Variants in SBF1 observed in about 807,000 individuals in gnomAD.
SBF1 encodes SET binding factor 1, also known as myotubularin-related protein 5.
Under a neutral mutation model 215.8 loss-of-function variants are expected in SBF1, and 65 were observed. The observed-to-expected ratio is 0.30, with a 90% CI of 0.25 to 0.37. The LOEUF (loss-of-function observed/expected upper bound fraction) is 0.37, where lower values mean the gene tolerates loss of function less well. Ranked by LOEUF, SBF1 falls within the 10% of genes least tolerant of loss-of-function variation. SBF1 has a pLI of 1.00. For missense variants in SBF1, 2,634 were observed against 2,667.8 expected (o/e 0.99, Z 0.28); for synonymous variants, 1,410 against 1,122.8 (o/e 1.26, Z -5.11).
chr22:50,471,929 C>T (rs1367160865), intron 1 of SBF1, among the ~76,000 whole-genome samples: 1 of 152,242 alleles, frequency 6.6e-6, no homozygotes, highest in African/African-American at 2.4e-5. Context: ...CCAAGGGGTC[C>T]AGCCCCTCCT....
intron 1 of SBF1, among the ~76,000 whole-genome samples, chr22:50,474,185 G>A (rs6010104): frequency 2.6e-5 from 4 of 152,180 alleles, no homozygotes; most frequent in African/African-American, 7.2e-5. Flanking sequence ...CAGGCGAGTC[G>A]CCAGGAATGC....
At chr22:50,474,707 T>A in intron 1 of SBF1, 79 bp downstream of exon 1, 14 of 851,290 alleles carry the variant, frequency 1.6e-5, no homozygotes, top group Non-Finnish European at 1.9e-5. Flanking sequence ...CCCCCGGCCC[T>A]CGACCCTCAG....
At position 50,461,645 on chromosome 22, in the gene SBF1, G is replaced by C; in HGVS notation, c.2717C>G (p.Pro906Arg). 1 of 1,611,242 alleles carries C rather than the reference G, an allele frequency of 6.2e-7. No homozygotes were observed. Among genetic ancestry groups the C allele is most frequent in the Non-Finnish European group, 8.5e-7 (1 of 1,179,778 alleles). The change falls in exon 22 of 41, where the codon CCG becomes CGG. Residue 906 changes from proline to arginine, a missense_variant. Transcript: ENST00000380817. ...CCCCGCGCCCTCCTCACGCCCATCC[G>C]GCAGCAGGTAGACGCGCAGGCCGTC... ...VLDGLRVYLLPDGREEGAGGS... is the reference protein window; with the variant it reads ...VLDGLRVYLLRDGREEGAGGS...
At chr22:50,474,212 G>A (rs1194399201) in intron 1 of SBF1, among the ~76,000 whole-genome samples, 1 of 152,200 alleles carries the variant, frequency 6.6e-6, no homozygotes, top group African/African-American at 2.4e-5. Flanking sequence ...CTCTACTCTC[G>A]ACGCTTCCTC....
rs746032681 is a variant in SBF1, at chr22:50,446,825, A to C, written c.*317T>G. The C allele has an allele frequency of 2.3e-5, 16 of 691,480 alleles. 1 individual carries two copies. The East Asian group carries it at 4.3e-4, about 18-fold the overall frequency. 42.8% of individuals were successfully genotyped at this position (691,480 alleles called of 1,614,324 possible). A position where few individuals can be genotyped will look rare whatever the true frequency, so the allele number is the denominator to read the frequency against. On this transcript the variant is annotated 3_prime_UTR_variant, in exon 41 of 41. Coordinates refer to ENST00000380817, the MANE Select transcript of SBF1 (RefSeq NM_002972.4). ...GGAGCGTGGCGTTAGTTCTCTCTTTATATAGACTCTGGTTCTAGAAACTCG... is the reference window on the plus strand; with the variant it reads ...GGAGCGTGGCGTTAGTTCTCTCTTTCTATAGACTCTGGTTCTAGAAACTCG...
intron 1 of SBF1, among the ~76,000 whole-genome samples, chr22:50,471,685 C>A (rs747454051): frequency 7.9e-5 from 12 of 152,174 alleles, no homozygotes; most frequent in African/African-American, 2.7e-4. Context: ...GCCATCCCCC[C>A]CAACCTCCCC....
At chr22:50,456,821 TG>T in intron 29 of SBF1, 148 bp from the exon 30 acceptor site, 2 of 775,216 alleles carry the variant, frequency 2.6e-6, no homozygotes, top group South Asian at 4.1e-5. Flanking sequence ...AGAGGAGGGC[TG>T]GAACACACAG....
rs2066829353 is a variant in SBF1, at chr22:50,446,631, G to A, written c.*511C>T. 8.5e-6 allele frequency: 3 copies of A among 354,396 alleles called. No individual in the cohort carries two copies. Among genetic ancestry groups the A allele is most frequent in the African/African-American group, 2.1e-5 (1 of 46,796 alleles). The allele number at this position is 354,396 out of a possible 1,614,324, so 22.0% of individuals were successfully genotyped here. A position where few individuals can be genotyped will look rare whatever the true frequency, so the allele number is the denominator to read the frequency against. ...AAGCCTCCTGCTCGATCCGCCCCCA[G>A]AGCAAAGTCACTCCCAGGGACATGC... On this transcript the variant is annotated 3_prime_UTR_variant, in exon 41 of 41. Transcript: ENST00000380817.
In SBF1 at chr22:50,466,631, C is replaced by T; in HGVS notation, c.629G>A (p.Ser210Asn). 6.4e-7 allele frequency: 1 copy of T among 1,552,588 alleles called. No individual in the cohort carries two copies. The highest frequency in any genetic ancestry group is 1.7e-4 in the Middle Eastern group (1 of 5,988). Residue 210 changes from serine (S) to asparagine (N), a missense_variant, in exon 6 of 41, where the codon AGC becomes AAC. By Grantham distance (46) the Ser-to-Asn change is conservative. Transcript: ENST00000380817. ...LADSLPVSRC[S>N]VALLFRQLGI... ...TAGCTGGCGGAAGAGCAGGGCCACGCTGCAGCGGCTGACGGGCAGCGAGTC... is the reference window on the plus strand; with the variant it reads ...TAGCTGGCGGAAGAGCAGGGCCACGTTGCAGCGGCTGACGGGCAGCGAGTC...
rs1425280900 is a variant in SBF1, at chr22:50,461,176, G to A, written c.2950C>T (p.Arg984Cys). The change falls in exon 23 of 41, where the codon CGC becomes TGC. Residue 984 changes from arginine to cysteine, a missense_variant. Transcript: ENST00000380817. Reference protein sequence around the residue: ...DQLLQDGLQLRSCTFQLLKMA... With the variant: ...DQLLQDGLQLCSCTFQLLKMA... ...CGCCCCACCTGGAATGTGCAGGAGC[G>A]CAGCTGGAGCCCGTCCTGCAGGAGC... The A allele has an allele frequency of 1.3e-5, 21 of 1,607,170 alleles. No individual in the cohort carries two copies. The highest frequency in any genetic ancestry group is 2.2e-5 in the South Asian group (2 of 90,822).
At chr22:50,456,856 C>T (rs2067273435) in intron 29 of SBF1, among the ~76,000 whole-genome samples, 178 bp downstream of exon 29, 1 of 152,100 alleles carries the variant, frequency 6.6e-6, no homozygotes, top group East Asian at 1.9e-4. Context: ...GGGTGGCAGC[C>T]AGTGTTAGTT....
chr22:50,461,450 G>T, intron 22 of SBF1, 73 bp downstream of exon 22: 2 of 1,507,746 alleles, frequency 1.3e-6, no homozygotes, highest in Middle Eastern at 1.8e-4. Context: ...GGGAGAGGGA[G>T]GCAGGGAAAG....
rs764761913 is a variant in SBF1 at position 50,460,602 on chromosome 22, G to A, written c.3078C>T (p.Phe1026=). 5 of 1,614,022 alleles carry A rather than the reference G, an allele frequency of 3.1e-6. No individual in the cohort carries two copies. In the South Asian group the frequency reaches 5.5e-5, roughly 18 times the overall value. ...YPPDIRATFA[F]TLGSAHTPGR... is the part of the protein sequence containing the mutation. Reference sequence around the variant, plus strand: ...CAGGTGTGTGGGCAGAGCCCAAGGTGAACGCAAAGGTGGCCCTGATGTCCG... The same window carrying A: ...CAGGTGTGTGGGCAGAGCCCAAGGTAAACGCAAAGGTGGCCCTGATGTCCG... The change falls in exon 24 of 41, where the codon TTC becomes TTT. Residue 1026 remains phenylalanine, a synonymous_variant. Transcript: ENST00000380817.
At chr22:50,451,574 T>A (rs949509173) in intron 36 of SBF1, among the ~76,000 whole-genome samples, 1 of 152,114 alleles carries the variant, frequency 6.6e-6, no homozygotes, top group Non-Finnish European at 1.5e-5. Flanking sequence ...GCTTGAAATG[T>A]ATTAAATTTG....
intron 1 of SBF1, among the ~76,000 whole-genome samples, chr22:50,469,176 A>T (rs2067904313): frequency 6.6e-6 from 1 of 152,158 alleles, no homozygotes; most frequent in African/African-American, 2.4e-5. Flanking sequence ...CTTCCTGAGC[A>T]CCTGGACCCC....
Position 50,466,644 on chromosome 22 carries a change from C to G in SBF1, c.616G>C (p.Val206Leu). Residue 206 changes from valine (V) to leucine (L), a missense_variant, in exon 6 of 41, where the codon GTC becomes CTC. Physicochemically the swap from Val to Leu is conservative, Grantham distance 32. Coordinates refer to ENST00000380817, the MANE Select transcript of SBF1 (RefSeq NM_002972.4). The part of the protein sequence containing the change: ...IQTPLADSLP[V>L]SRCSVALLFR... ...AGCAGGGCCACGCTGCAGCGGCTGA[C>G]GGGCAGCGAGTCGGCCAGTGGAGTC... 6.4e-7 allele frequency: 1 copy of G among 1,552,126 alleles called. No individual in the cohort carries two copies. The highest frequency in any genetic ancestry group is 8.7e-7 in the Non-Finnish European group (1 of 1,147,718).
chr22:50,462,145 A>G lies in SBF1; in HGVS notation c.2397-26T>C, dbSNP rs376652750. 49 of 1,610,314 alleles carry G rather than the reference A, an allele frequency of 3.0e-5. No individual in the cohort carries two copies. In the East Asian group the frequency reaches 6.7e-4, roughly 22 times the overall value. On this transcript the variant is annotated intron_variant, in intron 19 of 40. Coordinates refer to ENST00000380817, the MANE Select transcript of SBF1 (RefSeq NM_002972.4). ...CTGGGCCAGAGAAGAAACTGTGGGCATGGGCCCTGCCCACCACGGCCCCGC... is the reference window on the plus strand; with the variant it reads ...CTGGGCCAGAGAAGAAACTGTGGGCGTGGGCCCTGCCCACCACGGCCCCGC...
intron 28 of SBF1, among the ~76,000 whole-genome samples, chr22:50,457,639 G>C (rs1387678088): frequency 6.6e-6 from 1 of 152,232 alleles, no homozygotes; most frequent in Non-Finnish European, 1.5e-5. Context: ...CAAAAGGACG[G>C]AGAGCAGCTC....
In SBF1 at chr22:50,462,341, A is replaced by G; in HGVS notation, c.2260T>C (p.Phe754Leu). ...ELVQKEESTV[F>L]SQAIHYANRM... The stretch of plus-strand genomic sequence containing the variant: ...TTGGCATAGTGGATGGCCTGGCTGA[A>G]CACCGTGCTCTCCTCCTTCTGCACC... The change falls in exon 19 of 41, where the codon TTC becomes CTC. Residue 754 changes from phenylalanine to leucine, a missense_variant. Coordinates refer to ENST00000380817, the MANE Select transcript of SBF1 (RefSeq NM_002972.4). 6.2e-7 allele frequency: 1 copy of G among 1,614,128 alleles called. No individual in the cohort carries two copies. The highest frequency in any genetic ancestry group is 8.5e-7 in the Non-Finnish European group (1 of 1,180,018).
Sources: allele counts gnomAD v4.1 joint callset (sites outside exome capture counted in the v4.1 genomes callset), GRCh38; gene constraint gnomAD v4.1.1; transcripts MANE v1.5; gene names NCBI Gene and HGNC (gene_info 2026-07-23, HGNC 2026-07-21).